MEGF9: variants seen among roughly 807,000 people sequenced by gnomAD.
The protein encoded by MEGF9 is multiple EGF like domains 9.
Under a neutral mutation model 46.8 loss-of-function variants are expected in MEGF9, and 6 were observed. That is an observed-to-expected ratio of 0.13 (90% CI 0.07 to 0.25). MEGF9 has a LOEUF of 0.25. MEGF9 is among the 10% of genes least tolerant of loss of function. The probability of loss-of-function intolerance (pLI) is 1.00; values close to 1 mark genes in which losing one functional copy is unlikely to be tolerated. For missense variants in MEGF9, 683 were observed against 792.4 expected, an observed-to-expected ratio of 0.86 and a Z score of 1.66; for synonymous variants, 302 against 330.7, an observed-to-expected ratio of 0.91 and a Z score of 0.94.
At chr9:120,671,080 T>C (rs1055829222) in intron 1 of MEGF9, among the ~76,000 whole-genome samples, 2 of 152,230 alleles carry the variant, frequency 1.3e-5, no homozygotes, top group Non-Finnish European at 2.9e-5. Flanking sequence ...TCTCAGGCCA[T>C]ATTCTGCTTA....
intron 1 of MEGF9, among the ~76,000 whole-genome samples, chr9:120,711,737 C>T (rs796662929): frequency 2.7e-4 from 41 of 152,160 alleles, no homozygotes; most frequent in African/African-American, 9.6e-4. Flanking sequence ...ATGCTTAAAA[C>T]TCCAGAGAAT....
intron 2 of MEGF9, among the ~76,000 whole-genome samples, chr9:120,652,588 A>G (rs1331001069): frequency 1.3e-5 from 2 of 149,562 alleles, no homozygotes; most frequent in Admixed American, 1.3e-4. Flanking sequence ...AAGTGGACAC[A>G]GGCACACACA....
intron 1 of MEGF9, among the ~76,000 whole-genome samples, chr9:120,694,334 AAC>A (rs2043864909): frequency 6.6e-6 from 1 of 152,260 alleles, no homozygotes; most frequent in South Asian, 2.1e-4. Context: ...AAAGTTGGGT[AAC>A]ACTGCTTATC....
chr9:120,629,446 C>G (rs1255921282), intron 2 of MEGF9, among the ~76,000 whole-genome samples: 1 of 152,104 alleles, frequency 6.6e-6, no homozygotes, highest in Non-Finnish European at 1.5e-5. Context: ...TCGAGACCAG[C>G]CTGGCTAACA....
At chr9:120,711,869 A>C (rs921280707) in intron 1 of MEGF9, among the ~76,000 whole-genome samples, 4 of 149,948 alleles carry the variant, frequency 2.7e-5, no homozygotes, top group South Asian at 2.1e-4. Context: ...ACACACACAC[A>C]CACCCACAGG....
rs1199039332 is a variant in MEGF9 at position 120,713,766 on chromosome 9, G to C, written c.593C>G (p.Pro198Arg). The C allele has an allele frequency of 7.7e-7, 1 of 1,292,360 alleles. No individual in the cohort carries two copies. Among genetic ancestry groups the C allele is most frequent in the Non-Finnish European group, 9.8e-7 (1 of 1,019,988 alleles). The allele number at this position is 1,292,360 out of a possible 1,614,324, so 80.1% of individuals were successfully genotyped here. ...TPPATEAPSS[P>R]PPEYVCNCSV... ...GGGAGCGCCGGACTCACCTGGAGGA[G>C]GCGAAGAGGGGGCCTCGGTGGCAGG... The change falls in exon 1 of 6, where the codon CCT becomes CGT. Residue 198 changes from proline (P) to arginine (R), a missense_variant. Physicochemically the swap from Pro to Arg is moderately radical, Grantham distance 103 (BLOSUM62 -2). Coordinates refer to ENST00000373930, the MANE Select transcript of MEGF9 (RefSeq NM_001080497.3).
chr9:120,712,037 G>GC (rs1468046540), intron 1 of MEGF9, among the ~76,000 whole-genome samples: 3 of 152,188 alleles, frequency 2.0e-5, no homozygotes, highest in Non-Finnish European at 4.4e-5. Context: ...CAGGAGGACT[G>GC]CTTGAGTTCA....
chr9:120,695,677 G>A (rs541015614), intron 1 of MEGF9, among the ~76,000 whole-genome samples: 10 of 150,890 alleles, frequency 6.6e-5, no homozygotes, highest in African/African-American at 2.4e-4. Context: ...ATAGGAGGCT[G>A]TAAGGATGTT....
intron 3 of MEGF9, among the ~76,000 whole-genome samples, chr9:120,615,322 C>A (rs578173380): frequency 6.7e-6 from 1 of 149,366 alleles, no homozygotes; most frequent in Admixed American, 6.6e-5. Flanking sequence ...CATGCACACA[C>A]ACACACTTGT....
intron 4 of MEGF9, among the ~76,000 whole-genome samples, chr9:120,611,581 A>G (rs1235701466): frequency 6.6e-6 from 1 of 152,140 alleles, no homozygotes; most frequent in Non-Finnish European, 1.5e-5. Context: ...TGGTTGCCTA[A>G]GGCCAGAGGA....
At chr9:120,675,654 C>T (rs1359274392) in intron 1 of MEGF9, among the ~76,000 whole-genome samples, 2 of 87,818 alleles carry the variant, frequency 2.3e-5, no homozygotes, top group Non-Finnish European at 6.0e-5. Context: ...TTTGGGAGGC[C>T]GAGGGGGGTG....
chr9:120,662,002 T>TA (rs2043704621), intron 1 of MEGF9, among the ~76,000 whole-genome samples: 2 of 152,150 alleles, frequency 1.3e-5, no homozygotes, highest in African/African-American at 4.8e-5. Flanking sequence ...ATGAAAATAC[T>TA]AAAAAAAATT....
chr9:120,691,744 G>A (rs1399919825), intron 1 of MEGF9, among the ~76,000 whole-genome samples: 2 of 152,108 alleles, frequency 1.3e-5, no homozygotes, highest in African/African-American at 2.4e-5. Flanking sequence ...AGCTGGGATT[G>A]GAATCCAGAC....
At chr9:120,699,798 C>A (rs1348709384) in intron 1 of MEGF9, among the ~76,000 whole-genome samples, 2 of 148,760 alleles carry the variant, frequency 1.3e-5, no homozygotes, top group East Asian at 3.9e-4. Flanking sequence ...ACATAAAGCA[C>A]AACTTATATA....
intron 2 of MEGF9, among the ~76,000 whole-genome samples, chr9:120,625,950 T>C (rs1432650364): frequency 6.6e-6 from 1 of 151,918 alleles, no homozygotes; most frequent in Non-Finnish European, 1.5e-5. Context: ...TCATGGTCTC[T>C]CTCTGTTAAA....
intron 1 of MEGF9, among the ~76,000 whole-genome samples, chr9:120,698,910 A>G (rs1353703381): frequency 6.6e-6 from 1 of 152,194 alleles, no homozygotes; most frequent in Non-Finnish European, 1.5e-5. Flanking sequence ...GGCAACGTAC[A>G]AGCCAGGCAG....
intron 1 of MEGF9, among the ~76,000 whole-genome samples, chr9:120,675,686 A>C (rs757660687): frequency 4.6e-5 from 7 of 150,838 alleles, no homozygotes; most frequent in Non-Finnish European, 1.0e-4. Context: ...CAGGAGTTCA[A>C]GACCAGCCTG....
chr9:120,611,911 A>T (rs1029410295), intron 4 of MEGF9, among the ~76,000 whole-genome samples: 16 of 151,444 alleles, frequency 1.1e-4, no homozygotes, highest in African/African-American at 3.9e-4. Flanking sequence ...GAAAGGAAAA[A>T]ATTCAAACCA....
chr9:120,696,962 T>C (rs2043879935), intron 1 of MEGF9, among the ~76,000 whole-genome samples: 1 of 152,238 alleles, frequency 6.6e-6, no homozygotes, highest in African/African-American at 2.4e-5. Context: ...TGCTCCTTTG[T>C]CTGATCTGAG....
Sources: gnomAD v4.1 joint callset for allele counts (sites outside exome capture counted in the v4.1 genomes callset) on GRCh38, gnomAD v4.1.1 for gene constraint, MANE v1.5 for transcripts, NCBI Gene and HGNC (gene_info 2026-07-23, HGNC 2026-07-21) for gene names.